SLC12A7: variants seen among roughly 807,000 people sequenced by gnomAD.
SLC12A7 encodes K-Cl cotransporter 4.
Under a neutral mutation model 120.6 loss-of-function variants are expected in SLC12A7, and 100 were observed. That is an observed-to-expected ratio of 0.83 (90% CI 0.71 to 0.98). SLC12A7 has a LOEUF of 0.98. Among genes scored for constraint, SLC12A7 ranks in the 50% least tolerant of loss-of-function variants. SLC12A7 has a pLI of 0.00. For synonymous variants in SLC12A7, 760 were observed against 678.0 expected (o/e 1.12, Z -1.88); for missense variants, 1,373 against 1,548.1 (o/e 0.89, Z 1.90).
At position 1,050,873 on chromosome 5, in the gene SLC12A7, T is replaced by C; in HGVS notation, c.*1487A>G. ...GCCCTAGTCTGGCTCCTCAGAAACA[T>C]CTGGGGGCACAAGTGCAGCCTCTGC... On this transcript the variant is annotated 3_prime_UTR_variant, in exon 24 of 24. Coordinates refer to ENST00000264930, the MANE Select transcript of SLC12A7 (RefSeq NM_006598.3). 1 of 398,598 alleles carries C rather than the reference T, an allele frequency of 2.5e-6. No homozygotes were observed. The highest frequency in any genetic ancestry group is 4.4e-6 in the Non-Finnish European group (1 of 226,054). 24.7% of individuals were successfully genotyped at this position (398,598 alleles called of 1,614,324 possible). A position where few individuals can be genotyped will look rare whatever the true frequency, so the allele number is the denominator to read the frequency against.
chr5:1,054,368 A>C (rs1561024202), intron 22 of SLC12A7, among the ~76,000 whole-genome samples: 2 of 152,174 alleles, frequency 1.3e-5, no homozygotes, highest in African/African-American at 4.8e-5. Flanking sequence ...AGGTTTGGGG[A>C]CACTGCAGAA....
chr5:1,112,046 C>T lies in SLC12A7; in HGVS notation c.-55G>A, dbSNP rs1010729029. 5.8e-6 allele frequency: 7 copies of T among 1,214,722 alleles called. No homozygotes were observed. The highest frequency in any genetic ancestry group is 7.2e-6 in the Non-Finnish European group (7 of 975,926). 75.2% of individuals were successfully genotyped at this position (1,214,722 alleles called of 1,614,324 possible). ...GGCCCGGCCCGCGCTGCGCCGCTCC[C>T]GCCGACGCCACGGGACTTGGAGGCA... On this transcript the variant is annotated 5_prime_UTR_variant, in exon 1 of 24. Coordinates refer to ENST00000264930, the MANE Select transcript of SLC12A7 (RefSeq NM_006598.3).
chr5:1,055,513 C>G (rs1735518939), intron 22 of SLC12A7, among the ~76,000 whole-genome samples: 1 of 152,238 alleles, frequency 6.6e-6, no homozygotes, highest in Non-Finnish European at 1.5e-5. Flanking sequence ...CAGCCCAACC[C>G]CGAGAAACTG....
chr5:1,135,678 A>C, the SLC12A7 span, among the ~76,000 whole-genome samples: 2 of 152,344 alleles, frequency 1.3e-5, no homozygotes, highest in East Asian at 3.9e-4. Flanking sequence ...AGGTGCGTGC[A>C]TGAGTGGTGA....
At position 1,085,376 on chromosome 5, in the gene SLC12A7, G is replaced by A. The variant is rs769626440; in HGVS notation, c.773C>T (p.Thr258Met). The stretch of plus-strand genomic sequence containing the variant: ...GACCACCAGGGCCATGAGCACGAGC[G>A]TGCACGTGCCGTACACACGCATGTT... ...LHNMRVYGTC[T>M]LVLMALVVFV... Residue 258 changes from threonine (T) to methionine (M), a missense_variant, in exon 7 of 24, where the codon ACG becomes ATG. Transcript: ENST00000264930. 43 of 1,612,118 alleles carry A rather than the reference G, an allele frequency of 2.7e-5. No homozygotes were observed. The highest frequency in any genetic ancestry group is 6.7e-5 in the East Asian group (3 of 44,854).
the SLC12A7 span, among the ~76,000 whole-genome samples, chr5:1,133,849 C>G: frequency 2.6e-5 from 4 of 152,118 alleles, no homozygotes; most frequent in Admixed American, 1.3e-4. Context: ...ATTTCCCTGA[C>G]CAACCGAGGC....
Position 1,085,301 on chromosome 5 carries a change from C to G in SLC12A7, c.848G>C (p.Cys283Ser), listed in dbSNP as rs202089394. The change falls in exon 7 of 24, where the codon TGC (cysteine) becomes TCC (serine). Residue 283 changes from cysteine to serine, a missense_variant. Cys to Ser is a moderately radical substitution (Grantham distance 112, BLOSUM62 -1). Transcript: ENST00000264930. ...GATGGCCAGGATGGACAGCACGACG[C>G]AGGCCAGGAAGACCAGCGCCAGCTT... ...VNKLALVFLA[C>S]VVLSILAIYA... is the part of the protein sequence containing the mutation. 1 of 1,612,610 alleles carries G rather than the reference C, an allele frequency of 6.2e-7. No homozygotes were observed. Among genetic ancestry groups the G allele is most frequent in the East Asian group, 2.2e-5 (1 of 44,844 alleles).
At chr5:1,068,509 G>A (rs1376111285) in intron 17 of SLC12A7, among the ~76,000 whole-genome samples, 1 of 152,248 alleles carries the variant, frequency 6.6e-6, no homozygotes, top group Non-Finnish European at 1.5e-5. Flanking sequence ...CACTAACATA[G>A]CCACGATGGA....
At chr5:1,100,569 C>T (rs901114479) in intron 1 of SLC12A7, among the ~76,000 whole-genome samples, 4 of 152,256 alleles carry the variant, frequency 2.6e-5, no homozygotes, top group South Asian at 2.1e-4. Context: ...AGGTGAGCTG[C>T]GCTCGTGGGT....
At chr5:1,107,091 G>A (rs945818428) in intron 1 of SLC12A7, among the ~76,000 whole-genome samples, 6 of 152,194 alleles carry the variant, frequency 3.9e-5, no homozygotes, top group East Asian at 3.9e-4. Flanking sequence ...TTCAGTGAAC[G>A]CTGATCAAAC....
rs1463386097 is a variant in SLC12A7, at chr5:1,052,282, T to C, written c.*78A>G. 8.1e-7 allele frequency: 1 copy of C among 1,233,274 alleles called. No homozygotes were observed. Among genetic ancestry groups the C allele is most frequent in the Non-Finnish European group, 1.2e-6 (1 of 836,678 alleles). 76.4% of individuals were successfully genotyped at this position (1,233,274 alleles called of 1,614,324 possible). On this transcript the variant is annotated 3_prime_UTR_variant, in exon 24 of 24. Coordinates refer to ENST00000264930, the MANE Select transcript of SLC12A7 (RefSeq NM_006598.3). ...GGGACAGGTGTGTCTGCCGTCTGTT[T>C]CCCTGGGCCAAGCCCAGGCCCAGGC...
At chr5:1,063,160 G>A (rs781115367) in intron 20 of SLC12A7, among the ~76,000 whole-genome samples, 7 of 152,216 alleles carry the variant, frequency 4.6e-5, no homozygotes, top group African/African-American at 7.2e-5. Flanking sequence ...CTCTCCAGGC[G>A]TGAAGGACGG....
At position 1,057,511 on chromosome 5, in the gene SLC12A7, T is replaced by C. The variant is rs759551638; in HGVS notation, c.2986A>G (p.Thr996Ala). The C allele has an allele frequency of 6.8e-6, 11 of 1,613,028 alleles. No homozygotes were observed. The highest frequency in any genetic ancestry group is 1.3e-5 in the African/African-American group (1 of 74,930). ...AGGTCTTTGAAACCAGATAGGCTGGTGTCTCTGCTCCTGTACTTCTCAGCG... is the reference window on the plus strand; with the variant it reads ...AGGTCTTTGAAACCAGATAGGCTGGCGTCTCTGCTCCTGTACTTCTCAGCG... ...LIAEKYRSRD[T>A]SLSGFKDLFS... is the part of the protein sequence containing the mutation. The change falls in exon 22 of 24, where the codon ACC becomes GCC. Residue 996 changes from threonine to alanine, a missense_variant. Physicochemically the swap from Thr to Ala is moderately conservative, Grantham distance 58 (BLOSUM62 0). Transcript: ENST00000264930.
intron 1 of SLC12A7, among the ~76,000 whole-genome samples, chr5:1,104,080 C>T (rs1250949596): frequency 1.3e-5 from 2 of 152,168 alleles, no homozygotes; most frequent in South Asian, 2.1e-4. Context: ...GGACCCTTGG[C>T]GGCATGGAGG....
In SLC12A7 at chr5:1,073,684, C is replaced by T; in HGVS notation, c.2190G>A (p.Val730=). 1 of 1,599,594 alleles carries T rather than the reference C, an allele frequency of 6.3e-7. No individual in the cohort carries two copies. Among genetic ancestry groups the T allele is most frequent in the East Asian group, 2.3e-5 (1 of 43,246 alleles). ...AGKGLTIVGS[V]LEGTYLDKHM... ...GCTTGTCCAGGTACGTCCCCTCCAG[C>T]ACCGAGCCCACGATGGTCAGGCCCT... Residue 730 remains valine (V), a synonymous_variant, in exon 17 of 24, where the codon GTG becomes GTA. Coordinates refer to ENST00000264930, the MANE Select transcript of SLC12A7 (RefSeq NM_006598.3).
intron 21 of SLC12A7, among the ~76,000 whole-genome samples, chr5:1,057,883 C>T (rs1230958598): frequency 6.6e-6 from 1 of 152,208 alleles, no homozygotes; most frequent in African/African-American, 2.4e-5. Context: ...CGCCCTGGCC[C>T]TGAACTGGAA....
At chr5:1,121,902 G>T in the SLC12A7 span, among the ~76,000 whole-genome samples, 2 of 152,200 alleles carry the variant, frequency 1.3e-5, no homozygotes, top group African/African-American at 4.8e-5. Context: ...AGTGTGGGGG[G>T]CATGAGAGGG....
At position 1,051,994 on chromosome 5, in the gene SLC12A7, T is replaced by G; in HGVS notation, c.*366A>C. ...AAGAATGTTCTGGATGGGGTAGAAA[T>G]GCAACCTAACCACTGGGTAAATCCA... On this transcript the variant is annotated 3_prime_UTR_variant, in exon 24 of 24. Transcript: ENST00000264930. 3.6e-6 allele frequency: 1 copy of G among 280,580 alleles called. No individual in the cohort carries two copies. 17.4% of individuals were successfully genotyped at this position (280,580 alleles called of 1,614,324 possible).
chr5:1,078,283 T>C (rs1215768602), intron 11 of SLC12A7, among the ~76,000 whole-genome samples: 1 of 152,032 alleles, frequency 6.6e-6, no homozygotes, highest in Non-Finnish European at 1.5e-5. Flanking sequence ...TCAGCTTCAG[T>C]CAGGGACCAC....
Sources: allele counts gnomAD v4.1 joint callset (sites outside exome capture counted in the v4.1 genomes callset), GRCh38; gene constraint gnomAD v4.1.1; transcripts MANE v1.5; gene names NCBI Gene and HGNC (gene_info 2026-07-23, HGNC 2026-07-21).